Variants in SPAG6 observed in about 807,000 individuals in gnomAD.
SPAG6 encodes the protein sperm associated antigen 6, also known as sperm-associated antigen 6.
Under a neutral mutation model 58.5 loss-of-function variants are expected in SPAG6, and 49 were observed. The observed-to-expected ratio is 0.84, with a 90% CI of 0.67 to 1.06. SPAG6 has a LOEUF of 1.06. Among genes scored for constraint, SPAG6 ranks in the 50% least tolerant of loss-of-function variants. The pLI is 0.00. For missense variants in SPAG6, 560 were observed against 611.3 expected (o/e 0.92, Z 0.89); for synonymous variants, 233 against 225.6 (o/e 1.03, Z -0.29).
At chr10:22,382,724 G>C (rs1833983355) in intron 4 of SPAG6, among the ~76,000 whole-genome samples, 1 of 152,056 alleles carries the variant, frequency 6.6e-6, no homozygotes, top group South Asian at 2.1e-4. Context: ...GAAACTTTCT[G>C]CTATATTAAA....
intron 4 of SPAG6, 41 bp downstream of exon 4, chr10:22,368,719 A>G (rs1260080081): frequency 6.7e-7 from 1 of 1,484,932 alleles, no homozygotes; most frequent in Non-Finnish European, 9.3e-7. Context: ...AAATAGGATT[A>G]TTACAATTCA....
chr10:22,404,920 C>T (rs1312126549), intron 9 of SPAG6, among the ~76,000 whole-genome samples: 1 of 152,236 alleles, frequency 6.6e-6, no homozygotes, highest in East Asian at 1.9e-4. Context: ...TGGGAGTTCA[C>T]TCATGATTTG....
At position 22,357,807 on chromosome 10, in the gene SPAG6, T is replaced by C. The variant is rs957604822; in HGVS notation, c.122-7046T>C. ...TGTCCATGTGTTCTCATTGTTCAGT[T>C]CCCACCTATGAGTGAGAATATGCAG... On this transcript the variant is annotated intron_variant, in intron 2 of 10. Coordinates refer to ENST00000376624, the MANE Select transcript of SPAG6 (RefSeq NM_012443.4). 1.0e-4 allele frequency among the ~76,000 whole-genome samples: 15 copies of C among 146,172 alleles called. 1 individual carries two copies. The highest frequency in any genetic ancestry group is 7.1e-4 in the Admixed American group (10 of 14,172).
intron 4 of SPAG6, among the ~76,000 whole-genome samples, chr10:22,372,728 A>G (rs1445657848): frequency 6.6e-6 from 1 of 152,130 alleles, no homozygotes; most frequent in Non-Finnish European, 1.5e-5. Context: ...GGGCTCAAAA[A>G]TGAGTTTTAA....
chr10:22,412,400 A>T (rs1410494247), intron 10 of SPAG6: 6 of 1,054,394 alleles, frequency 5.7e-6, no homozygotes, highest in Non-Finnish European at 7.0e-6. Flanking sequence ...CACAAAAGCA[A>T]TTTTAAGATT....
At chr10:22,350,624 A>T (rs1195857543) in intron 2 of SPAG6, among the ~76,000 whole-genome samples, 1 of 152,194 alleles carries the variant, frequency 6.6e-6, no homozygotes, top group East Asian at 1.9e-4. Context: ...TTCTGCCTGA[A>T]ATCTTTCCCT....
chr10:22,390,799 A>G (rs1361195000), intron 7 of SPAG6, among the ~76,000 whole-genome samples: 2 of 152,190 alleles, frequency 1.3e-5, no homozygotes, highest in Non-Finnish European at 2.9e-5. Context: ...GAAGCCAATG[A>G]AGAAATATAG....
At chr10:22,392,530 TA>T (rs1834205121) in intron 8 of SPAG6, among the ~76,000 whole-genome samples, 1 of 152,096 alleles carries the variant, frequency 6.6e-6, no homozygotes, top group Non-Finnish European at 1.5e-5. Flanking sequence ...ATGGATTATT[TA>T]ATGATTTTAT....
At chr10:22,354,426 T>G (rs542494835) in intron 2 of SPAG6, among the ~76,000 whole-genome samples, 2 of 152,100 alleles carry the variant, frequency 1.3e-5, no homozygotes, top group Non-Finnish European at 2.9e-5. Context: ...TACTCTTCAG[T>G]GGTTGAAGCG....
At chr10:22,416,070 GTAAA>G (rs960257200) in intron 10 of SPAG6, among the ~76,000 whole-genome samples, 6 of 152,010 alleles carry the variant, frequency 3.9e-5, no homozygotes, top group Non-Finnish European at 8.8e-5. Context: ...ACAAGTATTT[GTAAA>G]TAGTTTTTCA....
chr10:22,413,688 G>GAT (rs59765652), intron 10 of SPAG6, among the ~76,000 whole-genome samples: 3,781 of 141,402 alleles, frequency 0.027, 77 homozygotes, highest in Admixed American at 0.039. Context: ...TCAAATTTCT[G>GAT]ATATATATAT....
At chr10:22,404,855 C>T (rs1834511038) in intron 9 of SPAG6, among the ~76,000 whole-genome samples, 3 of 152,330 alleles carry the variant, frequency 2.0e-5, no homozygotes, top group Admixed American at 2.0e-4. Context: ...CCTTCATTCA[C>T]ATCCCTTGTA....
At chr10:22,386,168 TTAG>T (rs1834058677) in intron 4 of SPAG6, among the ~76,000 whole-genome samples, 1 of 152,162 alleles carries the variant, frequency 6.6e-6, no homozygotes, top group Non-Finnish European at 1.5e-5. Context: ...AGTTTATTGA[TTAG>T]TAGTAGGTCT....
intron 8 of SPAG6, among the ~76,000 whole-genome samples, chr10:22,393,392 A>T (rs1334650869): frequency 1.3e-5 from 2 of 152,176 alleles, no homozygotes; most frequent in African/African-American, 4.8e-5. Context: ...CCTTGCAAAT[A>T]GTCCCTTAGG....
rs1474366572 is a variant in SPAG6 at position 22,416,965 on chromosome 10, C to A, written c.*277C>A. 3 of 274,346 alleles carry A rather than the reference C, an allele frequency of 1.1e-5. No individual in the cohort carries two copies. In the East Asian group the frequency reaches 2.1e-4, roughly 20 times the overall value. 17.0% of individuals were successfully genotyped at this position (274,346 alleles called of 1,614,324 possible). A position where few individuals can be genotyped will look rare whatever the true frequency, so the allele number is the denominator to read the frequency against. Reference sequence around the variant, plus strand: ...GGCATTTTGTTATTCTGTTAAAAACCACACACACTCGTACATGCAGACACC... The same window carrying A: ...GGCATTTTGTTATTCTGTTAAAAACAACACACACTCGTACATGCAGACACC... On this transcript the variant is annotated 3_prime_UTR_variant, in exon 11 of 11. Coordinates refer to ENST00000376624, the MANE Select transcript of SPAG6 (RefSeq NM_012443.4).
chr10:22,349,848 C>A (rs956904678), intron 2 of SPAG6, among the ~76,000 whole-genome samples: 7 of 152,062 alleles, frequency 4.6e-5, no homozygotes, highest in Non-Finnish European at 8.8e-5. Flanking sequence ...GTCAAATATG[C>A]TGTTGACATA....
intron 2 of SPAG6, among the ~76,000 whole-genome samples, chr10:22,363,457 A>G (rs1369813143): frequency 1.3e-5 from 2 of 152,238 alleles, no homozygotes; most frequent in Non-Finnish European, 2.9e-5. Flanking sequence ...GTGTGCCTGC[A>G]GCGCTTACCA....
At chr10:22,408,791 C>T (rs1412492985) in intron 9 of SPAG6, among the ~76,000 whole-genome samples, 1 of 152,244 alleles carries the variant, frequency 6.6e-6, no homozygotes, top group Non-Finnish European at 1.5e-5. Context: ...CAGCGAGACT[C>T]TGTGGGGGTA....
At chr10:22,350,445 TA>T (rs1328393492) in intron 2 of SPAG6, among the ~76,000 whole-genome samples, 1 of 151,792 alleles carries the variant, frequency 6.6e-6, no homozygotes, top group Non-Finnish European at 1.5e-5. Context: ...AATGGACAAT[TA>T]AAAAAAACTA....
Sources: allele counts gnomAD v4.1 joint callset (sites outside exome capture counted in the v4.1 genomes callset), GRCh38; gene constraint gnomAD v4.1.1; transcripts MANE v1.5; gene names NCBI Gene and HGNC (gene_info 2026-07-23, HGNC 2026-07-21).